Variants in IL25 observed in about 807,000 individuals in gnomAD.
IL25 encodes interleukin 25, also known as interleukin-25.
In IL25, 10 loss-of-function variants were observed where a neutral mutation model predicts 13.2. That is an observed-to-expected ratio of 0.76 (90% CI 0.47 to 1.29). The LOEUF (loss-of-function observed/expected upper bound fraction) is 1.29, where lower values mean the gene tolerates loss of function less well. IL25 is among the 50% of genes most tolerant of loss of function. IL25 has a pLI of 0.00. For synonymous variants in IL25, 107 were observed against 92.1 expected (o/e 1.16, Z -0.93); for missense variants, 235 against 232.4 (o/e 1.01, Z -0.07).
chr14:23,373,471 C>A, intron 1 of IL25, 75 bp downstream of exon 2: 2 of 1,307,640 alleles, frequency 1.5e-6, no homozygotes, highest in African/African-American at 1.5e-5. Context: ...CAGGGCAATT[C>A]CAGCTTACTT....
At chr14:23,372,901 G>A (rs943895393) in exon 1 of IL25, 36 of 1,510,926 alleles carry the variant, frequency 2.4e-5, no homozygotes, top group Non-Finnish European at 3.1e-5. Flanking sequence ...ACCTGCTCCA[G>A]TCAGCCTGCT....
chr14:23,373,975 A>ATT (rs1890477838), intron 1 of IL25, among the ~76,000 whole-genome samples: 1 of 152,206 alleles, frequency 6.6e-6, no homozygotes, highest in Non-Finnish European at 1.5e-5. Flanking sequence ...ATAGTTCTCT[A>ATT]TTTGTGCCAT....
chr14:23,374,730 C>CTTTT (rs34356139), intron 1 of IL25, among the ~76,000 whole-genome samples: 1 of 132,802 alleles, frequency 7.5e-6, no homozygotes, highest in Non-Finnish European at 1.6e-5. Context: ...TTCTTTCTTT[C>CTTTT]TTTTTTTTTT....
At chr14:23,375,857 G>T in exon 2 of IL25, 2 of 1,614,170 alleles carry the variant, frequency 1.2e-6, no homozygotes, top group South Asian at 2.2e-5. Context: ...TTGTGTGTGT[G>T]TGCGGCCCCG....
exon 1 of IL25, chr14:23,372,949 G>T: frequency 6.2e-7 from 1 of 1,613,204 alleles, no homozygotes; most frequent in Non-Finnish European, 8.5e-7. Context: ...ACTTGTGACT[G>T]AGTGTGCAGT....
exon 1 of IL25, chr14:23,373,232 C>G: frequency 1.2e-6 from 2 of 1,614,220 alleles, no homozygotes; most frequent in Non-Finnish European, 1.7e-6. Context: ...ACTGGCCCAG[C>G]TGCTGCCCCA....
At chr14:23,373,431 T>A in intron 1 of IL25, 35 bp downstream of exon 2, 1 of 1,569,646 alleles carries the variant, frequency 6.4e-7, no homozygotes, top group Non-Finnish European at 8.7e-7. Context: ...GCCTGCCCTG[T>A]GTGTGCTGGC....
intron 1 of IL25, among the ~76,000 whole-genome samples, chr14:23,374,730 CTTT>C (rs34356139): frequency 0.32 from 42,501 of 132,750 alleles, 6,447 homozygotes; most frequent in African/African-American, 0.44. Context: ...TTCTTTCTTT[CTTT>C]TTTTTTTTTT....
exon 1 of IL25, chr14:23,372,962 C>T: frequency 6.2e-7 from 1 of 1,613,620 alleles, no homozygotes; most frequent in Non-Finnish European, 8.5e-7. Context: ...TGTGCAGTGC[C>T]CAGCATGTAC....
chr14:23,373,636 C>T (rs1890472212), intron 1 of IL25, among the ~76,000 whole-genome samples: 1 of 151,372 alleles, frequency 6.6e-6, no homozygotes, highest in Non-Finnish European at 1.5e-5. Flanking sequence ...TGATATAATG[C>T]CCCATAGGCT....
chr14:23,373,203 G>A (rs963519298), exon 1 of IL25: 1 of 1,614,106 alleles, frequency 6.2e-7, no homozygotes. Context: ...AATGGTCATG[G>A]GAACCCACAC....
chr14:23,375,857 G>C, exon 2 of IL25: 1 of 1,614,170 alleles, frequency 6.2e-7, no homozygotes, highest in Non-Finnish European at 8.5e-7. Flanking sequence ...TTGTGTGTGT[G>C]TGCGGCCCCG....
intron 1 of IL25, among the ~76,000 whole-genome samples, chr14:23,373,859 A>G (rs1247941999): frequency 6.6e-6 from 1 of 152,056 alleles, no homozygotes; most frequent in Non-Finnish European, 1.5e-5. Context: ...AAGGAGTGAA[A>G]CCCTTAACTT....
exon 1 of IL25, chr14:23,373,058 C>G (rs1406418539): frequency 1.9e-6 from 3 of 1,613,836 alleles, no homozygotes; most frequent in Non-Finnish European, 2.5e-6. Flanking sequence ...GGCCAAGCTG[C>G]CAGGTTTGGG....
At chr14:23,375,684 C>A in exon 2 of IL25, 2 of 1,614,186 alleles carry the variant, frequency 1.2e-6, no homozygotes, top group Non-Finnish European at 8.5e-7. Flanking sequence ...TGCCTGTGCC[C>A]GCACTGCGTC....
exon 1 of IL25, chr14:23,373,341 A>G (rs1890464047): frequency 6.2e-7 from 1 of 1,613,892 alleles, no homozygotes; most frequent in Non-Finnish European, 8.5e-7. Context: ...AGAGTCCTGT[A>G]GGGCCAGTGA....
chr14:23,374,520 T>C (rs1406982972), intron 1 of IL25, among the ~76,000 whole-genome samples: 1 of 152,228 alleles, frequency 6.6e-6, no homozygotes, highest in Non-Finnish European at 1.5e-5. Context: ...AAACTGGTGT[T>C]TCCCAAATTC....
At chr14:23,376,135 C>A (rs991231768) in exon 2 of IL25, 4 of 523,530 alleles carry the variant, frequency 7.6e-6, no homozygotes, top group Non-Finnish European at 1.3e-5. Flanking sequence ...CAAAGTTCTG[C>A]CCATTTCTGG....
rs749441499 is a variant in IL25, at chr14:23,373,380, T to TC, written c.267dup (p.Trp90LeufsTer4). On this transcript the variant is annotated frameshift_variant, in exon 1 of 2. Transcript: ENST00000329715. LOFTEE classifies it high-confidence loss of function. ...TGGACCCCTCAACAGCAGGGCCATC[T>TC]CCCCCTGGAGATATGAGTGAGTCTG... is the stretch of plus-strand genomic sequence containing the variant. The TC allele has an allele frequency of 3.1e-6, 5 of 1,611,678 alleles. No homozygotes were observed. In the Admixed American group the frequency reaches 6.7e-5, roughly 22 times the overall value.
Sources: gnomAD v4.1 joint callset for allele counts (sites outside exome capture counted in the v4.1 genomes callset) on GRCh38, gnomAD v4.1.1 for gene constraint, MANE v1.5 for transcripts, NCBI Gene and HGNC (gene_info 2026-07-23, HGNC 2026-07-21) for gene names.